The following ACACA variants were observed in gnomAD, a reference collection of about 807,000 sequenced individuals.
ACACA encodes acetyl-CoA carboxylase 1.
Under a neutral mutation model 296.1 loss-of-function variants are expected in ACACA, and 103 were observed. The ratio of observed to expected loss-of-function variants is 0.35; its 90% CI spans 0.30 to 0.41. The LOEUF (loss-of-function observed/expected upper bound fraction) is 0.41. Among genes scored for constraint, ACACA ranks in the 10% least tolerant of loss-of-function variants. ACACA has a pLI of 1.00. For missense variants in ACACA, 1,554 were observed against 2,989.7 expected, an observed-to-expected ratio of 0.52 and a Z score of 11.20; for synonymous variants, 953 against 1,038.6, an observed-to-expected ratio of 0.92 and a Z score of 1.58.
intron 3 of ACACA, among the ~76,000 whole-genome samples, chr17:37,307,478 T>C (rs1385816720): frequency 6.6e-6 from 1 of 152,220 alleles, no homozygotes; most frequent in Non-Finnish European, 1.5e-5. Flanking sequence ...TGACTAGTAA[T>C]ATTGAGCACC....
chr17:37,259,428 G>A lies in ACACA; in HGVS notation c.1432C>T (p.Arg478Trp). ...GTACAAGGGTGCTCTACCTGCAGCC[G>A]AGGATTCAATTCCAGAAAGTAGAAG... ...GSFYFLELNP[R>W]LQVEHPCTEM... The change falls in exon 12 of 56, where the codon CGG (arginine) becomes TGG (tryptophan). Residue 478 changes from arginine to tryptophan, a missense_variant. This residue lies in a region of ACACA where 82 missense variants were observed against 185.2 expected (regional missense o/e 0.44). Coordinates refer to ENST00000616317, the MANE Select transcript of ACACA (RefSeq NM_198834.3). The A allele has an allele frequency of 1.9e-6, 3 of 1,614,168 alleles. No homozygotes were observed. Among genetic ancestry groups the A allele is most frequent in the Non-Finnish European group, 2.5e-6 (3 of 1,180,022 alleles).
At chr17:37,169,066 G>GAAGGT (rs2076791687) in intron 41 of ACACA, among the ~76,000 whole-genome samples, 1 of 152,184 alleles carries the variant, frequency 6.6e-6, no homozygotes, top group Admixed American at 6.5e-5. Context: ...TGCACTGATA[G>GAAGGT]GCAGGGAAGG....
intron 51 of ACACA, 121 bp from the exon 52 acceptor site, chr17:37,111,764 C>A: frequency 3.9e-6 from 3 of 778,850 alleles, no homozygotes; most frequent in Non-Finnish European, 6.7e-6. Context: ...ATTTTGCCCA[C>A]CTATGGTTAA....
intron 29 of ACACA, among the ~76,000 whole-genome samples, chr17:37,213,414 A>G (rs1227187042): frequency 6.6e-6 from 1 of 152,100 alleles, no homozygotes; most frequent in Non-Finnish European, 1.5e-5. Flanking sequence ...TATATTTTCA[A>G]ATACATAAAT....
intron 39 of ACACA, among the ~76,000 whole-genome samples, chr17:37,185,668 T>A (rs1433567976): frequency 4.0e-5 from 6 of 151,822 alleles, no homozygotes; most frequent in African/African-American, 1.5e-4. Flanking sequence ...TCCCGGGTTC[T>A]AGCAATTCTC....
chr17:37,292,960 G>A (rs556889352), intron 3 of ACACA, among the ~76,000 whole-genome samples: 2 of 152,328 alleles, frequency 1.3e-5, no homozygotes, highest in East Asian at 3.9e-4. Flanking sequence ...AGCAATGCAA[G>A]CACATATGTG....
intron 1 of ACACA, among the ~76,000 whole-genome samples, chr17:37,349,280 C>T (rs2147447363): frequency 6.6e-6 from 1 of 150,544 alleles, no homozygotes; most frequent in East Asian, 2.0e-4. Context: ...AGGCTGGTCT[C>T]AAACTCCTGT....
At chr17:37,266,238 A>G (rs917385324) in intron 10 of ACACA, among the ~76,000 whole-genome samples, 2 of 151,894 alleles carry the variant, frequency 1.3e-5, no homozygotes, top group Non-Finnish European at 2.9e-5. Flanking sequence ...ACATGGTGAA[A>G]CCTCATCTCT....
chr17:37,384,249 T>C (rs2050430279), intron 1 of ACACA, among the ~76,000 whole-genome samples: 1 of 152,208 alleles, frequency 6.6e-6, no homozygotes, highest in Non-Finnish European at 1.5e-5. Context: ...GGTGAGAATG[T>C]TCTGCAATAC....
intron 42 of ACACA, among the ~76,000 whole-genome samples, chr17:37,160,207 A>G (rs941735519): frequency 6.6e-6 from 1 of 152,210 alleles, no homozygotes; most frequent in Non-Finnish European, 1.5e-5. Context: ...AAGGGCTGAT[A>G]CAGTACAGAG....
At position 37,368,952 on chromosome 17, in the gene ACACA, G is replaced by A. The variant is rs773554166; in HGVS notation, c.39-29102C>T. On this transcript the variant is annotated intron_variant, in intron 1 of 55. Transcript: ENST00000616317. ...ATACCCTACATACCCTATAACCAGC[G>A]TCTACTTCTGGATTTATACCCTGGA... is the stretch of plus-strand genomic sequence containing the variant. 7.9e-5 allele frequency among the ~76,000 whole-genome samples: 12 copies of A among 152,238 alleles called. No individual in the cohort carries two copies. The East Asian group carries it at 1.7e-3, about 22-fold the overall frequency.
intron 1 of ACACA, chr17:37,391,606 T>C: frequency 6.4e-7 from 1 of 1,570,770 alleles, no homozygotes; most frequent in South Asian, 1.1e-5. Context: ...ACTATACACT[T>C]GCATCCTTTT....
chr17:37,103,364 C>A (rs911268572), intron 52 of ACACA, among the ~76,000 whole-genome samples: 2 of 152,194 alleles, frequency 1.3e-5, no homozygotes, highest in Non-Finnish European at 2.9e-5. Flanking sequence ...TTCTTATTCA[C>A]TGGACTATTG....
intron 1 of ACACA, among the ~76,000 whole-genome samples, chr17:37,396,588 A>G (rs1175950504): frequency 2.0e-5 from 3 of 151,950 alleles, no homozygotes; most frequent in African/African-American, 7.3e-5. Context: ...ACCCCCTCCT[A>G]TTAATATTTT....
chr17:37,124,100 G>A (rs536862671), intron 48 of ACACA, among the ~76,000 whole-genome samples: 13 of 152,270 alleles, frequency 8.5e-5, no homozygotes, highest in Middle Eastern at 3.4e-3. Flanking sequence ...GATGAGTTTT[G>A]GCAGCACTTA....
At chr17:37,122,873 A>T in intron 48 of ACACA, 1 of 585,180 alleles carries the variant, frequency 1.7e-6, no homozygotes, top group Non-Finnish European at 3.1e-6. Context: ...AGATAAATTC[A>T]AACCAAGGGC....
At chr17:37,230,109 G>A (rs1036996620) in intron 25 of ACACA, among the ~76,000 whole-genome samples, 1 of 151,322 alleles carries the variant, frequency 6.6e-6, no homozygotes, top group African/African-American at 2.4e-5. Context: ...ATAAGGCCGG[G>A]TGCGGTGGCT....
rs1270446967 is a variant in ACACA, at chr17:37,235,116, G to T, written c.3122-17C>A. ...CATAGTGACCTGCACACCATGAAAA[G>T]AACTGGTTCTCACCCATGTATAAAT... On this transcript the variant is annotated splice_polypyrimidine_tract_variant and intron_variant, in intron 24 of 55. Transcript: ENST00000616317. The T allele has an allele frequency of 6.2e-7, 1 of 1,612,796 alleles. No individual in the cohort carries two copies. Among genetic ancestry groups the T allele is most frequent in the Non-Finnish European group, 8.5e-7 (1 of 1,179,848 alleles).
At chr17:37,345,876 C>T (rs2048590545) in intron 1 of ACACA, among the ~76,000 whole-genome samples, 1 of 152,070 alleles carries the variant, frequency 6.6e-6, no homozygotes, top group Non-Finnish European at 1.5e-5. Flanking sequence ...AATGTGGTAT[C>T]CTACATTAAA....
Sources: allele counts gnomAD v4.1 joint callset (sites outside exome capture counted in the v4.1 genomes callset), GRCh38; gene constraint gnomAD v4.1.1; regional missense constraint gnomAD v4.1.1; transcripts MANE v1.5; gene names NCBI Gene and HGNC (gene_info 2026-07-23, HGNC 2026-07-21).